Variants in DNAH11 observed in about 807,000 individuals in gnomAD.
The protein encoded by DNAH11 is dynein axonemal heavy chain 11.
In DNAH11, 442 loss-of-function variants were observed where a neutral mutation model predicts 526.0. The observed-to-expected ratio is 0.84, with a 90% CI of 0.78 to 0.91. The LOEUF (loss-of-function observed/expected upper bound fraction) is 0.91. DNAH11 is among the 40% of genes least tolerant of loss of function. DNAH11 has a pLI of 0.00. For missense variants in DNAH11, 6,989 were observed against 5,448.7 expected (o/e 1.28, Z -8.90); for synonymous variants, 2,461 against 1,935.9 (o/e 1.27, Z -7.12).
At chr7:21,645,735 A>G (rs1222159417) in intron 28 of DNAH11, among the ~76,000 whole-genome samples, 2 of 152,198 alleles carry the variant, frequency 1.3e-5, no homozygotes, top group East Asian at 1.9e-4. Flanking sequence ...TAAATCAGAT[A>G]TCTAAAAATC....
At chr7:21,607,661 G>A (rs1296978061) in intron 20 of DNAH11, among the ~76,000 whole-genome samples, 2 of 151,758 alleles carry the variant, frequency 1.3e-5, no homozygotes, top group South Asian at 2.1e-4. Context: ...GGCCGGGTAC[G>A]GTGGCTCACA....
intron 66 of DNAH11, among the ~76,000 whole-genome samples, chr7:21,849,895 A>G (rs377375671): frequency 3.3e-5 from 5 of 150,816 alleles, no homozygotes; most frequent in Admixed American, 1.3e-4. Flanking sequence ...ATTATTTCCA[A>G]TCTTTCTTCT....
intron 28 of DNAH11, among the ~76,000 whole-genome samples, chr7:21,654,507 TTCC>T (rs1781926908): frequency 1.3e-5 from 2 of 152,224 alleles, no homozygotes; most frequent in Non-Finnish European, 2.9e-5. Flanking sequence ...TTTAGGTTGT[TTCC>T]GCCTTTTGGC....
intron 30 of DNAH11, among the ~76,000 whole-genome samples, chr7:21,674,950 C>T (rs969340419): frequency 1.1e-4 from 16 of 152,168 alleles, no homozygotes; most frequent in Non-Finnish European, 1.9e-4. Context: ...CAATCAACCA[C>T]CAATTCTGTC....
At position 21,545,999 on chromosome 7, in the gene DNAH11, CA is replaced by C. The variant is rs576731858; in HGVS notation, c.495+852del. On this transcript the variant is annotated intron_variant, in intron 2 of 81. Coordinates refer to ENST00000409508, the MANE Select transcript of DNAH11 (RefSeq NM_001277115.2). ...TGGGAGCCAAGTAGCAGCAGTTGTTCAAGATTCCCAGGTGATTCTAATGTAC... is the reference window on the plus strand; with the variant it reads ...TGGGAGCCAAGTAGCAGCAGTTGTTCAGATTCCCAGGTGATTCTAATGTAC... Among the ~76,000 whole-genome samples, 4 of 152,284 alleles carry C rather than the reference CA, an allele frequency of 2.6e-5. No individual in the cohort carries two copies. The South Asian group carries it at 8.3e-4, about 32-fold the overall frequency.
intron 76 of DNAH11, among the ~76,000 whole-genome samples, chr7:21,890,530 C>T (rs982847811): frequency 6.6e-6 from 1 of 152,160 alleles, no homozygotes; most frequent in African/African-American, 2.4e-5. Flanking sequence ...AAATTTCTTT[C>T]AATTTCCTAG....
Position 21,590,975 on chromosome 7 carries a change from C to A in DNAH11, c.2227C>A (p.Pro743Thr). 6.6e-7 allele frequency: 1 copy of A among 1,517,880 alleles called. No individual in the cohort carries two copies. Among genetic ancestry groups the A allele is most frequent in the Admixed American group, 2.4e-5 (1 of 41,734 alleles). The allele number at this position is 1,517,880 out of a possible 1,614,324, so 94.0% of individuals were successfully genotyped here. Residue 743 changes from proline to threonine, a missense_variant, in exon 13 of 82, where the codon CCA becomes ACA. By Grantham distance (38) the Pro-to-Thr change is conservative. Transcript: ENST00000409508. ...TTTGATGTTGAAGAAACAAGACATA[C>A]CAGATTCAGCTTTAGCCATCTTCAA... ...YLLMLKKQDIPDSALAIFKKR... is the reference protein window; with the variant it reads ...YLLMLKKQDITDSALAIFKKR...
At chr7:21,633,579 G>A (rs1386919328) in intron 25 of DNAH11, among the ~76,000 whole-genome samples, 2 of 152,078 alleles carry the variant, frequency 1.3e-5, no homozygotes, top group Non-Finnish European at 2.9e-5. Context: ...CTCAACATAT[G>A]TTTATTTATT....
chr7:21,606,523 A>T lies in DNAH11; in HGVS notation c.3746A>T (p.Lys1249Ile). 6.2e-7 allele frequency: 1 copy of T among 1,610,718 alleles called. No individual in the cohort carries two copies. Among genetic ancestry groups the T allele is most frequent in the Middle Eastern group, 1.7e-4 (1 of 6,060 alleles). Residue 1249 changes from lysine to isoleucine, a missense_variant, in exon 19 of 82, where the codon AAA becomes ATA. Coordinates refer to ENST00000409508, the MANE Select transcript of DNAH11 (RefSeq NM_001277115.2). ...LHNAEVTLIR[K>I]KCILFDAKQA... is the part of the protein sequence containing the mutation. ...AATGCGGAAGTCACTCTTATAAGGA[A>T]AAAATGTATTTTGTTTGACGTAAGC...
At chr7:21,545,836 GAAC>G (rs1782785823) in intron 2 of DNAH11, among the ~76,000 whole-genome samples, 1 of 152,134 alleles carries the variant, frequency 6.6e-6, no homozygotes, top group South Asian at 2.1e-4. Flanking sequence ...TAGCTTTGAA[GAAC>G]AACTGCCAAA....
At chr7:21,864,422 C>T in intron 69 of DNAH11, 113 bp from the exon 70 acceptor site, 1 of 970,882 alleles carries the variant, frequency 1.0e-6, no homozygotes, top group Middle Eastern at 2.7e-4. Flanking sequence ...AGTGGAGTTC[C>T]CAGCAGGTAT....
At chr7:21,860,031 A>C (rs1279311215) in intron 68 of DNAH11, among the ~76,000 whole-genome samples, 1 of 152,138 alleles carries the variant, frequency 6.6e-6, no homozygotes, top group East Asian at 1.9e-4. Context: ...AAATTAGCCA[A>C]GTGTGATGAC....
intron 25 of DNAH11, among the ~76,000 whole-genome samples, chr7:21,623,956 A>T (rs1245841849): frequency 2.6e-5 from 4 of 151,326 alleles, no homozygotes; most frequent in Admixed American, 2.6e-4. Context: ...CCTAAAACTT[A>T]AAGTATAATA....
At chr7:21,825,695 G>A (rs1222398946) in intron 65 of DNAH11, among the ~76,000 whole-genome samples, 1 of 151,660 alleles carries the variant, frequency 6.6e-6, no homozygotes, top group Non-Finnish European at 1.5e-5. Context: ...TGTTACAAAT[G>A]CTTAAAAAGT....
chr7:21,837,229 A>T (rs1317532069), intron 65 of DNAH11, among the ~76,000 whole-genome samples: 2 of 152,196 alleles, frequency 1.3e-5, no homozygotes, highest in Non-Finnish European at 2.9e-5. Context: ...CAGCAGTTCT[A>T]CTATGATGTA....
Position 21,852,670 on chromosome 7 carries a change from C to T in DNAH11, c.11061+39C>T, listed in dbSNP as rs759661968. ...AGGGTGCCTGGCAGATTCTAATGCTCTGTTCGAATGAGACATGTGGGGTGG... is the reference window on the plus strand; with the variant it reads ...AGGGTGCCTGGCAGATTCTAATGCTTTGTTCGAATGAGACATGTGGGGTGG... On this transcript the variant is annotated intron_variant, in intron 67 of 81. Transcript: ENST00000409508. The T allele has an allele frequency of 2.7e-5, 42 of 1,531,130 alleles. No homozygotes were observed. The Admixed American group carries it at 8.5e-4, about 31-fold the overall frequency. 94.8% of individuals were successfully genotyped at this position (1,531,130 alleles called of 1,614,324 possible).
At chr7:21,621,247 A>G (rs909378846) in intron 25 of DNAH11, among the ~76,000 whole-genome samples, 6 of 152,156 alleles carry the variant, frequency 3.9e-5, no homozygotes, top group South Asian at 2.1e-4. Flanking sequence ...TCCTCGACAC[A>G]TACACCCTCC....
intron 54 of DNAH11, among the ~76,000 whole-genome samples, chr7:21,754,680 T>C (rs1035517093): frequency 6.6e-6 from 1 of 152,090 alleles, no homozygotes; most frequent in Non-Finnish European, 1.5e-5. Context: ...GTTTTTAACA[T>C]CAAGTAGAAA....
chr7:21,713,354 G>T (rs930021195), intron 42 of DNAH11, among the ~76,000 whole-genome samples: 1 of 152,018 alleles, frequency 6.6e-6, no homozygotes, highest in Non-Finnish European at 1.5e-5. Flanking sequence ...GAAGAATCCT[G>T]GCAGGAAGTG....
Sources: allele counts gnomAD v4.1 joint callset (sites outside exome capture counted in the v4.1 genomes callset), GRCh38; gene constraint gnomAD v4.1.1; transcripts MANE v1.5; gene names NCBI Gene and HGNC (gene_info 2026-07-23, HGNC 2026-07-21).